The following COLEC10 variants were observed in gnomAD, a reference collection of about 807,000 sequenced individuals.
The protein encoded by COLEC10 is collectin subfamily member 10.
COLEC10 carries 22 observed loss-of-function variants against 28.4 expected under a neutral mutation model. The observed-to-expected ratio is 0.78, with a 90% CI of 0.55 to 1.11. The LOEUF (loss-of-function observed/expected upper bound fraction) is 1.11. Among genes scored for constraint, COLEC10 ranks in the 50% least tolerant of loss-of-function variants. The probability of loss-of-function intolerance (pLI) is 0.00; values close to 1 mark genes in which losing one functional copy is unlikely to be tolerated. For missense variants in COLEC10, 361 were observed against 344.1 expected (o/e 1.05, Z -0.39); for synonymous variants, 125 against 116.1 (o/e 1.08, Z -0.49).
intron 1 of COLEC10, among the ~76,000 whole-genome samples, chr8:118,999,607 G>A (rs1455614379): frequency 7.7e-6 from 1 of 130,152 alleles, no homozygotes; most frequent in Non-Finnish European, 1.6e-5. Flanking sequence ...AAAAAAAAAA[G>A]AGCCAGCAAA....
rs527537631 is a variant in COLEC10, at chr8:118,998,484, T to C, written n.122+2911T>C. Among the ~76,000 whole-genome samples, 3 of 152,196 alleles carry C rather than the reference T, an allele frequency of 2.0e-5. 1 individual carries two copies. Among genetic ancestry groups the C allele is most frequent in the African/African-American group, 7.2e-5 (3 of 41,538 alleles). On this transcript the variant is annotated intron_variant and non_coding_transcript_variant, in intron 1 of 6. Transcript: ENST00000521788. ...GCATTTTGCTGAGATAGCGCATGAA[T>C]AGAAGTTCATAAAAGCCAAGTGATT...
chr8:119,102,853 G>A (rs1815865982), intron 4 of COLEC10, among the ~76,000 whole-genome samples: 1 of 152,092 alleles, frequency 6.6e-6, no homozygotes, highest in Non-Finnish European at 1.5e-5. Flanking sequence ...TTATTGTCCT[G>A]GAGCTTTATT....
intron 2 of COLEC10, among the ~76,000 whole-genome samples, chr8:119,045,796 T>C (rs369594937): frequency 1.3e-5 from 2 of 152,338 alleles, no homozygotes; most frequent in African/African-American, 4.8e-5. Flanking sequence ...TGTTTACATG[T>C]TTGCTATTTT....
rs60721653 is a variant in COLEC10 at position 119,030,202 on chromosome 8, T to G, written n.235+20649T>G. On this transcript the variant is annotated intron_variant and non_coding_transcript_variant, in intron 2 of 6. Transcript: ENST00000521788. ...GGTCATCAATTGTAAAAGACTTTTA[T>G]AGGAATATCAGGTATGTAGATTGGG... Among the ~76,000 whole-genome samples the G allele has an allele frequency of 7.1e-3, 1,084 of 152,262 alleles. 10 individuals carry two copies. The highest frequency in any genetic ancestry group is 0.025 in the African/African-American group (1,048 of 41,542).
chr8:119,013,480 T>C (rs146919906), intron 2 of COLEC10, among the ~76,000 whole-genome samples: 1 of 150,942 alleles, frequency 6.6e-6, no homozygotes, highest in African/African-American at 2.5e-5. Context: ...TATATTCAGT[T>C]GATTGATAGT....
At chr8:118,981,140 G>T in the COLEC10 span, among the ~76,000 whole-genome samples, 2 of 152,002 alleles carry the variant, frequency 1.3e-5, no homozygotes, top group Non-Finnish European at 2.9e-5. Flanking sequence ...GCCTGGCTAA[G>T]CTCTTCTGTG....
intron 3 of COLEC10, among the ~76,000 whole-genome samples, chr8:119,099,758 C>A (rs1396769893): frequency 6.6e-6 from 1 of 152,132 alleles, no homozygotes; most frequent in Non-Finnish European, 1.5e-5. Flanking sequence ...TTCAGTGAAG[C>A]CTTCTCCACT....
chr8:119,008,546 C>T (rs1269766714), intron 1 of COLEC10, among the ~76,000 whole-genome samples: 1 of 149,202 alleles, frequency 6.7e-6, no homozygotes, highest in Non-Finnish European at 1.5e-5. Flanking sequence ...CTCAAAAGTT[C>T]GCATCTCTTC....
the COLEC10 span, among the ~76,000 whole-genome samples, chr8:118,984,712 G>C: frequency 6.6e-6 from 1 of 152,052 alleles, no homozygotes; most frequent in Non-Finnish European, 1.5e-5. Flanking sequence ...CCAGAGCCTA[G>C]GAAAAGGAAA....
chr8:119,031,678 T>C (rs1176272487), intron 2 of COLEC10, among the ~76,000 whole-genome samples: 1 of 152,204 alleles, frequency 6.6e-6, no homozygotes, highest in South Asian at 2.1e-4. Flanking sequence ...CATTCCCCTA[T>C]ATCTTAGTGC....
intron 2 of COLEC10, among the ~76,000 whole-genome samples, chr8:119,055,305 A>C (rs1178482760): frequency 6.6e-6 from 1 of 151,970 alleles, no homozygotes; most frequent in Non-Finnish European, 1.5e-5. Flanking sequence ...AGTGGCAATG[A>C]CCCTGAAGAA....
intron 3 of COLEC10, among the ~76,000 whole-genome samples, chr8:119,095,029 A>G (rs1411297490): frequency 6.6e-6 from 1 of 152,216 alleles, no homozygotes; most frequent in African/African-American, 2.4e-5. Context: ...AATAAAAATC[A>G]TAATAATTGA....
At chr8:119,035,831 C>A (rs370624373) in intron 2 of COLEC10, among the ~76,000 whole-genome samples, 9 of 152,166 alleles carry the variant, frequency 5.9e-5, no homozygotes, top group African/African-American at 2.2e-4. Flanking sequence ...TGTGGTTCGG[C>A]TTTTGAAGTC....
At chr8:119,091,855 T>C (rs1815610422) in intron 3 of COLEC10, among the ~76,000 whole-genome samples, 1 of 152,142 alleles carries the variant, frequency 6.6e-6, no homozygotes, top group Non-Finnish European at 1.5e-5. Context: ...TTATGTTGAA[T>C]TATCTCCTGG....
chr8:119,003,744 C>T (rs1231087714), intron 1 of COLEC10, among the ~76,000 whole-genome samples: 1 of 152,078 alleles, frequency 6.6e-6, no homozygotes, highest in African/African-American at 2.4e-5. Flanking sequence ...ATAACCTTAT[C>T]TCTAAAATTG....
chr8:119,067,606 CTCCTT>C, intron 1 of COLEC10, 177 bp downstream of exon 1: 4 of 584,232 alleles, frequency 6.8e-6, no homozygotes, highest in Non-Finnish European at 1.2e-5. Context: ...ATTTAAAGCT[CTCCTT>C]TGATGTTAGG....
At chr8:118,976,924 C>A in the COLEC10 span, among the ~76,000 whole-genome samples, 6 of 151,294 alleles carry the variant, frequency 4.0e-5, no homozygotes, top group Middle Eastern at 3.4e-3. Flanking sequence ...ACAACCCCAT[C>A]AAAAAGTGGG....
intron 1 of COLEC10, chr8:119,068,666 A>G (rs1373838626): frequency 6.6e-6 from 1 of 152,026 alleles, no homozygotes; most frequent in Non-Finnish European, 1.5e-5. Context: ...CTCCCTTCCC[A>G]TTTTCCCATT....
chr8:119,085,168 G>A (rs2085239930), intron 1 of COLEC10, among the ~76,000 whole-genome samples: 1 of 152,180 alleles, frequency 6.6e-6, no homozygotes, highest in African/African-American at 2.4e-5. Flanking sequence ...TTTGCCTTAG[G>A]GAAAGCTGTG....
Sources: allele counts gnomAD v4.1 joint callset (sites outside exome capture counted in the v4.1 genomes callset), GRCh38; gene constraint gnomAD v4.1.1; transcripts MANE v1.5; gene names NCBI Gene and HGNC (gene_info 2026-07-23, HGNC 2026-07-21).